PLEKHH2: variants seen among roughly 807,000 people sequenced by gnomAD.
The protein encoded by PLEKHH2 is pleckstrin homology domain-containing family H member 2.
PLEKHH2 carries 129 observed loss-of-function variants against 187.9 expected under a neutral mutation model. The ratio of observed to expected loss-of-function variants is 0.69; its 90% CI spans 0.59 to 0.79. PLEKHH2 has a LOEUF of 0.79. Among genes scored for constraint, PLEKHH2 ranks in the 30% least tolerant of loss-of-function variants. PLEKHH2 has a pLI of 0.00. For synonymous variants in PLEKHH2, 686 were observed against 605.6 expected (o/e 1.13, Z -1.95); for missense variants, 2,076 against 1,751.2 (o/e 1.19, Z -3.31).
intron 24 of PLEKHH2, among the ~76,000 whole-genome samples, chr2:43,747,703 G>A (rs1009673719): frequency 2.0e-5 from 3 of 152,082 alleles, no homozygotes; most frequent in African/African-American, 7.2e-5. Context: ...ATGGTATTTT[G>A]CTGGTTTTAT....
chr2:43,704,662 T>TAAAAAAAAAAAA (rs70965318), intron 9 of PLEKHH2, among the ~76,000 whole-genome samples: 1 of 84,292 alleles, frequency 1.2e-5, no homozygotes, highest in African/African-American at 4.6e-5. Context: ...GATTCTGTCT[T>TAAAAAAAAAAAA]AAAAAAAAAA....
At chr2:43,746,080 T>C in intron 24 of PLEKHH2, 117 bp downstream of exon 24, 1 of 583,738 alleles carries the variant, frequency 1.7e-6, no homozygotes, top group Non-Finnish European at 2.7e-6. Context: ...AAGTTTGTCT[T>C]TCTATAAATG....
rs202191918 is a variant in PLEKHH2 at position 43,695,199 on chromosome 2, A to C, written c.477A>C (p.Ile159=). 1 of 1,595,174 alleles carries C rather than the reference A, an allele frequency of 6.3e-7. No individual in the cohort carries two copies. Among genetic ancestry groups the C allele is most frequent in the East Asian group, 2.2e-5 (1 of 44,666 alleles). The change falls in exon 6 of 30, where the codon ATA becomes ATC. Residue 159 remains isoleucine, a synonymous_variant. Coordinates refer to ENST00000282406, the MANE Select transcript of PLEKHH2 (RefSeq NM_172069.4). The part of the protein sequence containing the change: ...RLINQNQTEE[I]RTMQSKLQEV... ...TCAACCAAAACCAAACTGAAGAGATAAGAACAATGCAGTCAAAACTACAAG... is the reference window on the plus strand; with the variant it reads ...TCAACCAAAACCAAACTGAAGAGATCAGAACAATGCAGTCAAAACTACAAG...
Position 43,644,712 on chromosome 2 carries a change from GA to G in PLEKHH2, c.41del (p.Lys14ArgfsTer5). 6.2e-7 allele frequency: 1 copy of G among 1,608,036 alleles called. No individual in the cohort carries two copies. The highest frequency in any genetic ancestry group is 8.5e-7 in the Non-Finnish European group (1 of 1,175,940). On this transcript the variant is annotated frameshift_variant, in exon 2 of 30. Coordinates refer to ENST00000282406, the MANE Select transcript of PLEKHH2 (RefSeq NM_172069.4). LOFTEE classifies it high-confidence loss of function. ...CTGAGCCAGAGGGACCAGTAGATTG[GA>G]AGGAACGATGTGTAGCTCTGGAGTC... ...LSEPEGPVDW[K>X]ERCVALESQL...
chr2:43,742,407 T>A (rs568137723), intron 21 of PLEKHH2, among the ~76,000 whole-genome samples: 18 of 152,308 alleles, frequency 1.2e-4, no homozygotes, highest in African/African-American at 4.3e-4. Flanking sequence ...TACTCTGTAC[T>A]ATTCTTCATG....
intron 2 of PLEKHH2, among the ~76,000 whole-genome samples, chr2:43,654,604 A>T (rs1249265171): frequency 3.0e-4 from 44 of 144,358 alleles, no homozygotes; most frequent in African/African-American, 1.1e-3. Flanking sequence ...ATTGGCTGCC[A>T]CAGTGGCTCA....
intron 3 of PLEKHH2, chr2:43,681,581 A>G (rs1668188402): frequency 1.1e-6 from 1 of 889,726 alleles, no homozygotes; most frequent in African/African-American, 1.7e-5. Flanking sequence ...TTCGGCACTC[A>G]TGACTAGTGC....
chr2:43,700,326 G>T lies in PLEKHH2; in HGVS notation c.1368G>T (p.Arg456Ser), dbSNP rs747721912. 8 of 1,613,962 alleles carry T rather than the reference G, an allele frequency of 5.0e-6. No individual in the cohort carries two copies. The highest frequency in any genetic ancestry group is 5.9e-6 in the Non-Finnish European group (7 of 1,180,006). Residue 456 changes from arginine to serine, a missense_variant, in exon 8 of 30, where the codon AGG (arginine) becomes AGT (serine). By Grantham distance (110) the Arg-to-Ser change is moderately radical. Coordinates refer to ENST00000282406, the MANE Select transcript of PLEKHH2 (RefSeq NM_172069.4). Reference sequence around the variant, plus strand: ...GTATAAGTGTAGCACTAGCCAAAAGGCACTTAAGCCAGCCACAGTTAAGCT... The same window carrying T: ...GTATAAGTGTAGCACTAGCCAAAAGTCACTTAAGCCAGCCACAGTTAAGCT... Reference protein sequence around the residue: ...VFSISVALAKRHLSQPQLSSD... With the variant: ...VFSISVALAKSHLSQPQLSSD...
chr2:43,735,138 C>T (rs4953005), intron 19 of PLEKHH2, among the ~76,000 whole-genome samples: 26,545 of 151,814 alleles, frequency 0.17, 2,729 homozygotes, highest in Admixed American at 0.29. Flanking sequence ...TGTAGTGAGC[C>T]GAGAGTGTGC....
rs1669910855 is a variant in PLEKHH2, at chr2:43,710,563, A to G, written c.2289A>G (p.Lys763=). 1 of 1,593,486 alleles carries G rather than the reference A, an allele frequency of 6.3e-7. No homozygotes were observed. The highest frequency in any genetic ancestry group is 1.8e-5 in the Admixed American group (1 of 54,102). Residue 763 remains lysine, a synonymous_variant, in exon 14 of 30, where the codon AAA becomes AAG. Coordinates refer to ENST00000282406, the MANE Select transcript of PLEKHH2 (RefSeq NM_172069.4). The part of the protein sequence containing the change: ...ASCSILRGDN[K]QTVQLTTEKH... ...GTAGTATTTTAAGAGGAGATAACAA[A>G]CAAACAGTTCAGGTACTTAACTTTT...
chr2:43,650,782 A>G (rs1666429709), intron 2 of PLEKHH2, among the ~76,000 whole-genome samples: 2 of 151,680 alleles, frequency 1.3e-5, no homozygotes, highest in South Asian at 4.2e-4. Flanking sequence ...AGTAGCTGGG[A>G]CTACAGTCAT....
chr2:43,693,991 G>A (rs1321140716), intron 4 of PLEKHH2, among the ~76,000 whole-genome samples: 1 of 152,012 alleles, frequency 6.6e-6, no homozygotes, highest in African/African-American at 2.4e-5. Context: ...AGATTTTAAG[G>A]CTGGTAAATG....
chr2:43,685,584 C>T (rs1210908512), intron 3 of PLEKHH2, among the ~76,000 whole-genome samples: 6 of 151,146 alleles, frequency 4.0e-5, no homozygotes, highest in Non-Finnish European at 1.5e-5. Context: ...TGTGCCACCA[C>T]ACCCAGTTAA....
intron 19 of PLEKHH2, among the ~76,000 whole-genome samples, chr2:43,735,527 A>C (rs1246454689): frequency 6.6e-6 from 1 of 152,210 alleles, no homozygotes; most frequent in African/African-American, 2.4e-5. Flanking sequence ...TAGGGCAACT[A>C]TAGCTGACAA....
At chr2:43,681,032 A>G (rs185063332) in intron 3 of PLEKHH2, 66 of 1,280,014 alleles carry the variant, frequency 5.2e-5, no homozygotes, top group Non-Finnish European at 4.3e-6. Flanking sequence ...CAGAATGCCA[A>G]CTGGAATTCC....
At chr2:43,756,522 T>C (rs1343857687) in intron 25 of PLEKHH2, among the ~76,000 whole-genome samples, 1 of 152,148 alleles carries the variant, frequency 6.6e-6, no homozygotes, top group African/African-American at 2.4e-5. Flanking sequence ...GCCTTAAAAA[T>C]GAAAAATTGT....
intron 17 of PLEKHH2, among the ~76,000 whole-genome samples, chr2:43,727,493 A>T (rs1367406966): frequency 6.6e-6 from 1 of 152,184 alleles, no homozygotes; most frequent in Non-Finnish European, 1.5e-5. Context: ...ACAAAATTGA[A>T]ATAATTATTT....
At chr2:43,639,409 T>C (rs1574458427) in intron 1 of PLEKHH2, among the ~76,000 whole-genome samples, 1 of 152,208 alleles carries the variant, frequency 6.6e-6, no homozygotes, top group African/African-American at 2.4e-5. Context: ...CCCCTATCCA[T>C]TGTAGTCAGT....
intron 2 of PLEKHH2, among the ~76,000 whole-genome samples, chr2:43,666,041 G>A (rs1004713944): frequency 6.7e-6 from 1 of 148,794 alleles, no homozygotes; most frequent in South Asian, 2.2e-4. Context: ...ACCTAAGCAA[G>A]CCTGGGCAAT....
Sources: gnomAD v4.1 joint callset for allele counts (sites outside exome capture counted in the v4.1 genomes callset) on GRCh38, gnomAD v4.1.1 for gene constraint, MANE v1.5 for transcripts, NCBI Gene and HGNC (gene_info 2026-07-23, HGNC 2026-07-21) for gene names.